Variants in ABCC8 observed in about 807,000 individuals in gnomAD.
ABCC8 encodes ATP binding cassette subfamily C member 8.
ABCC8 carries 137 observed loss-of-function variants against 188.0 expected under a neutral mutation model. That is an observed-to-expected ratio of 0.73 (90% confidence interval 0.63 to 0.84). The LOEUF (loss-of-function observed/expected upper bound fraction) is 0.84, where lower values mean the gene tolerates loss of function less well. ABCC8 is among the 40% of genes least tolerant of loss of function. ABCC8 has a pLI of 0.00. For synonymous variants in ABCC8, 797 were observed against 846.5 expected, an observed-to-expected ratio of 0.94 and a Z score of 1.01; for missense variants, 1,750 against 2,072.7, an observed-to-expected ratio of 0.84 and a Z score of 3.02.
rs188119969 is a variant in ABCC8, at chr11:17,446,154, C to T, written c.1332+2362G>A. Among the ~76,000 whole-genome samples, 14 of 151,876 alleles carry T rather than the reference C, an allele frequency of 9.2e-5. No homozygotes were observed. The East Asian group carries it at 1.9e-3, about 21-fold the overall frequency. On this transcript the variant is annotated intron_variant, in intron 8 of 38. Transcript: ENST00000389817. ...CTAATTTTTGTATTTTTAGTAGAGACGGGGTTTCACCATATTGGTCAGGCT... is the reference window on the plus strand; with the variant it reads ...CTAATTTTTGTATTTTTAGTAGAGATGGGGTTTCACCATATTGGTCAGGCT...
chr11:17,464,560 C>T (rs1251030686), intron 3 of ABCC8, among the ~76,000 whole-genome samples: 1 of 149,826 alleles, frequency 6.7e-6, no homozygotes, highest in Non-Finnish European at 1.5e-5. Flanking sequence ...ATATGGAAAG[C>T]ATTTAGTGCA....
chr11:17,394,514 G>A (rs1953804676), intron 36 of ABCC8, 115 bp from the exon 37 acceptor site: 1 of 1,549,122 alleles, frequency 6.5e-7, no homozygotes. Flanking sequence ...CAAATAGGTG[G>A]GTGTGTGTCC....
At chr11:17,466,606 C>CTGTGAATA (rs1428894843) in intron 3 of ABCC8, among the ~76,000 whole-genome samples, 1 of 149,504 alleles carries the variant, frequency 6.7e-6, no homozygotes, top group African/African-American at 2.5e-5. Flanking sequence ...CTACACAGCA[C>CTGTGAATA]TGTGAATATA....
At chr11:17,450,315 T>TTTC (rs1491320807) in intron 7 of ABCC8, among the ~76,000 whole-genome samples, 1 of 131,630 alleles carries the variant, frequency 7.6e-6, no homozygotes, top group East Asian at 2.1e-4. Context: ...TCTTTCTTTC[T>TTTC]TTCTTTCTTT....
intron 7 of ABCC8, among the ~76,000 whole-genome samples, chr11:17,449,607 A>T (rs938707223): frequency 2.0e-5 from 3 of 152,224 alleles, no homozygotes; most frequent in African/African-American, 7.2e-5. Flanking sequence ...ACTCGCAGAA[A>T]GACTGCAATT....
Position 17,392,963 on chromosome 11 carries a change from T to A in ABCC8, c.*28A>T. On this transcript the variant is annotated 3_prime_UTR_variant, in exon 39 of 39. Coordinates refer to ENST00000389817, the MANE Select transcript of ABCC8 (RefSeq NM_000352.6). The stretch of plus-strand genomic sequence containing the variant: ...GGCAGGGGTATGGGCAGGGTCCGAA[T>A]GTGGGATGGCACTTGGGCTCTGGCA... 1 of 1,612,690 alleles carries A rather than the reference T, an allele frequency of 6.2e-7. No individual in the cohort carries two copies. The highest frequency in any genetic ancestry group is 8.5e-7 in the Non-Finnish European group (1 of 1,178,986).
At chr11:17,467,118 A>G (rs2133700604) in intron 3 of ABCC8, among the ~76,000 whole-genome samples, 1 of 150,906 alleles carries the variant, frequency 6.6e-6, no homozygotes, top group Admixed American at 6.6e-5. Context: ...AAAGGCAAAC[A>G]TCTGTGGTAT....
chr11:17,419,897 C>G (rs998738059), intron 16 of ABCC8, among the ~76,000 whole-genome samples: 10 of 152,160 alleles, frequency 6.6e-5, no homozygotes, highest in Admixed American at 5.2e-4. Flanking sequence ...CTTGGAGGAG[C>G]CTCTGTTTCC....
intron 22 of ABCC8, 186 bp downstream of exon 22, chr11:17,410,330 C>A: frequency 1.5e-6 from 1 of 664,086 alleles, no homozygotes; most frequent in Admixed American, 2.7e-5. Context: ...CTAGGTGATA[C>A]CAAACCCCTG....
chr11:17,398,898 C>G (rs924024407), intron 29 of ABCC8: 3 of 262,760 alleles, frequency 1.1e-5, no homozygotes, highest in African/African-American at 6.6e-5. Context: ...TGTCTCCCTA[C>G]AGTCCATGCT....
At chr11:17,396,763 C>G (rs1166997324) in intron 33 of ABCC8, 153 bp downstream of exon 33, 1 of 968,882 alleles carries the variant, frequency 1.0e-6, no homozygotes, top group Non-Finnish European at 1.5e-6. Flanking sequence ...GATGGGCCCC[C>G]ACAGGCCCAG....
At chr11:17,428,811 C>A in intron 12 of ABCC8, 141 bp from the exon 13 acceptor site, 1 of 1,465,422 alleles carries the variant, frequency 6.8e-7, no homozygotes. Context: ...GGGGGCAGAC[C>A]AGTGGGCATG....
chr11:17,428,439 C>T lies in ABCC8; in HGVS notation c.1924-34G>A, dbSNP rs777036572. 4.4e-6 allele frequency: 7 copies of T among 1,608,012 alleles called. No individual in the cohort carries two copies. The South Asian group carries it at 5.5e-5, about 13-fold the overall frequency. ...GGTTTGGAGGTGAGGACCCACTGGG[C>T]TGGGAGCTGTGTAGGGAAGGGAGCC... On this transcript the variant is annotated intron_variant, in intron 13 of 38. Coordinates refer to ENST00000389817, the MANE Select transcript of ABCC8 (RefSeq NM_000352.6).
intron 6 of ABCC8, among the ~76,000 whole-genome samples, chr11:17,455,987 C>T (rs1318706506): frequency 6.6e-6 from 1 of 150,794 alleles, no homozygotes; most frequent in South Asian, 2.1e-4. Context: ...AGCCAAGAGG[C>T]CTGCCATGCT....
intron 16 of ABCC8, among the ~76,000 whole-genome samples, 179 bp downstream of exon 16, chr11:17,426,870 C>T (rs532681984): frequency 7.2e-5 from 11 of 152,254 alleles, no homozygotes; most frequent in South Asian, 2.1e-4. Flanking sequence ...AAAGAACCTG[C>T]GCATAGTAAG....
At chr11:17,447,949 A>C (rs555035691) in intron 8 of ABCC8, among the ~76,000 whole-genome samples, 4 of 152,356 alleles carry the variant, frequency 2.6e-5, no homozygotes, top group East Asian at 3.9e-4. Flanking sequence ...AAATGTATAC[A>C]TAACATATAT....
rs1956629903 is a variant in ABCC8 at position 17,448,527 on chromosome 11, T to C, written c.1321A>G (p.Met441Val). The stretch of plus-strand genomic sequence containing the variant: ...AGCCCATCTAGTACCTGTACTGGCA[T>C]AGCCCAGAGGTTTGGGCACAAGAAG... ...FFFLCPNLWA[M>V]PVQIIVGVIL... is the part of the protein sequence containing the mutation. The change falls in exon 8 of 39, where the codon ATG (methionine) becomes GTG (valine). Residue 441 changes from methionine (M) to valine (V), a missense_variant. Met to Val is a conservative substitution (Grantham distance 21). Transcript: ENST00000389817. 2.5e-6 allele frequency: 4 copies of C among 1,613,986 alleles called. No individual in the cohort carries two copies. Among genetic ancestry groups the C allele is most frequent in the Non-Finnish European group, 3.4e-6 (4 of 1,179,908 alleles).
chr11:17,457,721 A>G (rs1444218855), intron 6 of ABCC8, among the ~76,000 whole-genome samples: 1 of 152,186 alleles, frequency 6.6e-6, no homozygotes, highest in Non-Finnish European at 1.5e-5. Flanking sequence ...CAAGTCACAG[A>G]CACTTTCAGT....
intron 16 of ABCC8, among the ~76,000 whole-genome samples, chr11:17,422,390 A>G (rs926245690): frequency 2.0e-5 from 3 of 151,944 alleles, no homozygotes; most frequent in African/African-American, 4.8e-5. Flanking sequence ...CTTCTGCAGC[A>G]TTTGGGCTAA....
Sources: gnomAD v4.1 joint callset for allele counts (sites outside exome capture counted in the v4.1 genomes callset) on GRCh38, gnomAD v4.1.1 for gene constraint, MANE v1.5 for transcripts, NCBI Gene and HGNC (gene_info 2026-07-23, HGNC 2026-07-21) for gene names.